The following CLNK variants were observed in gnomAD, a reference collection of about 807,000 sequenced individuals.
CLNK encodes cytokine dependent hematopoietic cell linker.
A neutral mutation model predicts 68.6 loss-of-function variants in CLNK; 74 were observed. The ratio of observed to expected loss-of-function variants is 1.08; its 90% CI spans 0.89 to 1.31. The LOEUF (loss-of-function observed/expected upper bound fraction) is 1.31. Ranked by LOEUF, CLNK falls within the 50% of genes most tolerant of loss-of-function variation. The probability of loss-of-function intolerance (pLI) is 0.00; values close to 1 mark genes in which losing one functional copy is unlikely to be tolerated. For missense variants in CLNK, 553 were observed against 515.3 expected (o/e 1.07, Z -0.71); for synonymous variants, 198 against 172.2 (o/e 1.15, Z -1.17).
the CLNK span, among the ~76,000 whole-genome samples, chr4:10,690,664 A>C: frequency 2.6e-5 from 4 of 152,346 alleles, no homozygotes; most frequent in Admixed American, 6.5e-5. Flanking sequence ...CTTTGCATAA[A>C]TGCATAATTT....
intron 5 of CLNK, among the ~76,000 whole-genome samples, chr4:10,570,857 T>TA (rs1208215835): frequency 1.3e-5 from 2 of 152,210 alleles, no homozygotes; most frequent in African/African-American, 4.8e-5. Context: ...AATGATTTCA[T>TA]AAAATGGATG....
chr4:10,640,732 A>G (rs1198670772), intron 2 of CLNK, among the ~76,000 whole-genome samples: 1 of 152,220 alleles, frequency 6.6e-6, no homozygotes, highest in Non-Finnish European at 1.5e-5. Flanking sequence ...TTCCTCTTCC[A>G]TCATCACACT....
chr4:10,564,605 G>A, intron 7 of CLNK, 66 bp downstream of exon 7: 4 of 1,102,448 alleles, frequency 3.6e-6, no homozygotes, highest in South Asian at 1.3e-5. Context: ...AGGAGATGGG[G>A]CAGTTTCTAG....
At chr4:10,626,792 G>C (rs995215888) in intron 2 of CLNK, among the ~76,000 whole-genome samples, 1 of 152,134 alleles carries the variant, frequency 6.6e-6, no homozygotes, top group African/African-American at 2.4e-5. Flanking sequence ...TCACAGTTGC[G>C]GACATGTGTT....
At chr4:10,502,004 A>G in intron 17 of CLNK, among the ~76,000 whole-genome samples, 1 of 152,338 alleles carries the variant, frequency 6.6e-6, no homozygotes, top group African/African-American at 2.4e-5. Context: ...TGAACTTAGC[A>G]TGACCAACCT....
At chr4:10,565,895 G>A (rs1720088655) in intron 6 of CLNK, 114 bp downstream of exon 6, 2 of 1,115,816 alleles carry the variant, frequency 1.8e-6, no homozygotes, top group Admixed American at 2.6e-5. Flanking sequence ...AGTAAGTCAT[G>A]GGGGCAGACG....
At chr4:10,524,536 T>C (rs966303282) in intron 14 of CLNK, among the ~76,000 whole-genome samples, 1 of 152,134 alleles carries the variant, frequency 6.6e-6, no homozygotes, top group Non-Finnish European at 1.5e-5. Context: ...AATTATTGAA[T>C]CAATTAAAGG....
intron 2 of CLNK, among the ~76,000 whole-genome samples, chr4:10,621,564 G>A (rs1722459807): frequency 6.6e-6 from 1 of 152,168 alleles, no homozygotes; most frequent in African/African-American, 2.4e-5. Flanking sequence ...ATCCACAAAT[G>A]CTAGTCACTG....
chr4:10,520,790 C>T lies in CLNK; in HGVS notation c.772+1G>A. 1.2e-6 allele frequency: 2 copies of T among 1,603,398 alleles called. No individual in the cohort carries two copies. The highest frequency in any genetic ancestry group is 8.5e-7 in the Non-Finnish European group (1 of 1,172,542). ...TTTTATAATTCTGAAAGTGCTCTTACCTCTGTTTTGCACACTGTGGTTGCT... is the reference window on the plus strand; with the variant it reads ...TTTTATAATTCTGAAAGTGCTCTTATCTCTGTTTTGCACACTGTGGTTGCT... On this transcript the variant is annotated splice_donor_variant, in intron 15 of 18. Coordinates refer to ENST00000226951, the MANE Select transcript of CLNK (RefSeq NM_052964.4). LOFTEE classifies it high-confidence loss of function.
intron 4 of CLNK, among the ~76,000 whole-genome samples, chr4:10,576,074 A>T (rs1176141767): frequency 6.6e-6 from 1 of 152,226 alleles, no homozygotes; most frequent in East Asian, 1.9e-4. Context: ...GTGAATGCAC[A>T]ATCAATCAAT....
In CLNK at chr4:10,489,573, C is replaced by T. The variant is rs1716478730; in HGVS notation, c.*894G>A. On this transcript the variant is annotated 3_prime_UTR_variant, in exon 19 of 19. Transcript: ENST00000226951. ...TTTTCAGTTTCTGTCTTCAAGGTGACATTCACAATTGCTGGTTTTCCATAC... is the reference window on the plus strand; with the variant it reads ...TTTTCAGTTTCTGTCTTCAAGGTGATATTCACAATTGCTGGTTTTCCATAC... 1 of 151,520 alleles carries T rather than the reference C, an allele frequency of 6.6e-6. No individual in the cohort carries two copies. Among genetic ancestry groups the T allele is most frequent in the African/African-American group, 2.4e-5 (1 of 41,368 alleles). 9.4% of individuals were successfully genotyped at this position (151,520 alleles called of 1,614,324 possible).
chr4:10,687,341 C>T (rs890400041), upstream of CLNK, among the ~76,000 whole-genome samples: 8 of 151,954 alleles, frequency 5.3e-5, no homozygotes, highest in Non-Finnish European at 1.2e-4. Context: ...AAATAGGAGG[C>T]GAATGTGTTC....
intron 7 of CLNK, among the ~76,000 whole-genome samples, chr4:10,564,105 T>G (rs945511617): frequency 1.0e-5 from 1 of 96,240 alleles, no homozygotes; most frequent in African/African-American, 4.6e-5. Context: ...AGATTTTTTC[T>G]TTTTTTTTTT....
At chr4:10,650,320 G>A (rs1040449108) in intron 2 of CLNK, among the ~76,000 whole-genome samples, 3 of 152,016 alleles carry the variant, frequency 2.0e-5, no homozygotes, top group African/African-American at 4.8e-5. Flanking sequence ...GGGAAAGAAT[G>A]AGAGGAAAAA....
the CLNK span, among the ~76,000 whole-genome samples, chr4:10,718,599 CAA>C: frequency 6.8e-6 from 1 of 147,430 alleles, no homozygotes; most frequent in Non-Finnish European, 1.5e-5. Context: ...TAAAGAAAAA[CAA>C]AAAAAAAACT....
chr4:10,568,691 A>C (rs1720219486), intron 5 of CLNK, among the ~76,000 whole-genome samples: 1 of 152,200 alleles, frequency 6.6e-6, no homozygotes, highest in Admixed American at 6.5e-5. Flanking sequence ...ACAGAAAGGA[A>C]CTGGATTCTA....
At chr4:10,511,904 A>G (rs1426609868) in intron 16 of CLNK, among the ~76,000 whole-genome samples, 1 of 152,270 alleles carries the variant, frequency 6.6e-6, no homozygotes, top group Non-Finnish European at 1.5e-5. Flanking sequence ...GTCACTTTCT[A>G]CAATATATAA....
chr4:10,675,306 G>T (rs927737328), intron 1 of CLNK, among the ~76,000 whole-genome samples: 1 of 152,206 alleles, frequency 6.6e-6, no homozygotes, highest in African/African-American at 2.4e-5. Flanking sequence ...CTGCTTCTGA[G>T]CTCAGAACCC....
intron 8 of CLNK, among the ~76,000 whole-genome samples, chr4:10,544,505 A>T (rs1284075621): frequency 2.0e-5 from 3 of 152,218 alleles, no homozygotes; most frequent in Non-Finnish European, 2.9e-5. Flanking sequence ...ACTATGCAGA[A>T]AATAAAGCAG....
Sources: allele counts gnomAD v4.1 joint callset (sites outside exome capture counted in the v4.1 genomes callset), GRCh38; gene constraint gnomAD v4.1.1; transcripts MANE v1.5; gene names NCBI Gene and HGNC (gene_info 2026-07-23, HGNC 2026-07-21).